The following NLGN1 variants were observed in gnomAD, a reference collection of about 807,000 sequenced individuals.
NLGN1 encodes the protein neuroligin 1.
A neutral mutation model predicts 65.5 loss-of-function variants in NLGN1; 12 were observed. The observed-to-expected ratio is 0.18, with a 90% CI of 0.12 to 0.30. NLGN1 has a LOEUF of 0.30. Among genes scored for constraint, NLGN1 ranks in the 10% least tolerant of loss-of-function variants. The pLI, the probability that NLGN1 is intolerant of heterozygous loss-of-function variation, is 1.00. For missense variants in NLGN1, 750 were observed against 1,007.1 expected (o/e 0.74, Z 3.46); for synonymous variants, 350 against 359.5 (o/e 0.97, Z 0.30).
intron 4 of NLGN1, among the ~76,000 whole-genome samples, chr3:174,187,500 T>C (rs371729068): frequency 9.9e-5 from 15 of 152,066 alleles, no homozygotes; most frequent in African/African-American, 3.6e-4. Flanking sequence ...GCAAAATGCT[T>C]TCAGAGTTTA....
intron 4 of NLGN1, among the ~76,000 whole-genome samples, chr3:173,956,131 A>G (rs900334873): frequency 6.6e-6 from 1 of 152,120 alleles, no homozygotes; most frequent in Non-Finnish European, 1.5e-5. Flanking sequence ...CAGAGTTTAA[A>G]TGTTTCATTG....
At chr3:173,460,635 G>A (rs1723229162) in intron 2 of NLGN1, among the ~76,000 whole-genome samples, 1 of 152,024 alleles carries the variant, frequency 6.6e-6, no homozygotes, top group Non-Finnish European at 1.5e-5. Context: ...CTAATTGTTT[G>A]GATTCTTTGC....
chr3:174,124,052 A>G (rs1718338124), intron 4 of NLGN1, among the ~76,000 whole-genome samples: 2 of 152,178 alleles, frequency 1.3e-5, no homozygotes, highest in South Asian at 4.1e-4. Context: ...CTCTAGTAGG[A>G]TGGTGGCCTT....
At chr3:173,881,014 A>G (rs1040233228) in intron 4 of NLGN1, among the ~76,000 whole-genome samples, 1 of 151,940 alleles carries the variant, frequency 6.6e-6, no homozygotes, top group African/African-American at 2.4e-5. Context: ...TTGCTCATTC[A>G]TAATAAGCAA....
At chr3:174,117,822 G>A (rs6768658) in intron 4 of NLGN1, among the ~76,000 whole-genome samples, 41,959 of 152,004 alleles carry the variant, frequency 0.28, 7,525 homozygotes, top group African/African-American at 0.52. Context: ...CTCTATCACT[G>A]TCATTTTCAT....
intron 3 of NLGN1, among the ~76,000 whole-genome samples, chr3:173,643,675 G>A (rs4894621): frequency 0.028 from 4,250 of 152,190 alleles, 88 homozygotes; most frequent in Middle Eastern, 0.044. Flanking sequence ...TGGGCATACT[G>A]GGGAAAAAAT....
At chr3:174,214,170 G>C (rs140683402) in intron 4 of NLGN1, among the ~76,000 whole-genome samples, 2 of 152,014 alleles carry the variant, frequency 1.3e-5, no homozygotes, top group African/African-American at 4.8e-5. Context: ...AAATTGTGTT[G>C]CAATTTTGCA....
intron 2 of NLGN1, among the ~76,000 whole-genome samples, chr3:173,572,814 C>A (rs968891045): frequency 6.6e-5 from 10 of 152,310 alleles, no homozygotes; most frequent in Non-Finnish European, 5.9e-5. Flanking sequence ...CTCACCAGAG[C>A]CCTCCTCTTG....
At chr3:173,414,667 G>C (rs1481348033) in intron 1 of NLGN1, among the ~76,000 whole-genome samples, 2 of 151,862 alleles carry the variant, frequency 1.3e-5, no homozygotes, top group African/African-American at 2.4e-5. Flanking sequence ...GTGTCCATTT[G>C]TGTTTAATAG....
intron 2 of NLGN1, among the ~76,000 whole-genome samples, chr3:173,460,088 G>A (rs1723121281): frequency 6.6e-6 from 1 of 151,856 alleles, no homozygotes. Context: ...CATATTTGGA[G>A]AGCTACTAAT....
intron 3 of NLGN1, among the ~76,000 whole-genome samples, chr3:173,687,142 GT>G (rs1381402396): frequency 1.3e-5 from 2 of 152,150 alleles, no homozygotes; most frequent in African/African-American, 4.8e-5. Flanking sequence ...CGATCAGGTT[GT>G]TTACCTTAAA....
chr3:174,159,851 C>A (rs935140836), intron 4 of NLGN1, among the ~76,000 whole-genome samples: 4 of 151,798 alleles, frequency 2.6e-5, no homozygotes, highest in Middle Eastern at 3.4e-3. Flanking sequence ...GCTTAACCTT[C>A]GCTAGGCATT....
intron 4 of NLGN1, chr3:173,920,577 CAT>C (rs751299840): frequency 2.7e-4 from 41 of 152,258 alleles, no homozygotes; most frequent in Non-Finnish European, 4.6e-4. Context: ...TGTGAGAATG[CAT>C]ATGAGTCATC....
rs201703067 is a variant in NLGN1, at chr3:173,941,697, G to GTA, written c.646+133876_646+133877dup. 1.1e-3 allele frequency among the ~76,000 whole-genome samples: 160 copies of GTA among 151,358 alleles called. 2 individuals carry two copies. The East Asian group carries it at 0.025, about 23-fold the overall frequency. On this transcript the variant is annotated intron_variant, in intron 4 of 6. Transcript: ENST00000457714. ...TTAAAAATATGTATATATATAGTGT[G>GTA]TATATATATATAAATACTATATATT...
At chr3:173,527,905 C>T (rs145460645) in intron 2 of NLGN1, among the ~76,000 whole-genome samples, 1,845 of 152,130 alleles carry the variant, frequency 0.012, 40 homozygotes, top group African/African-American at 0.042. Context: ...TTTTTAAATC[C>T]AATTTACCAC....
chr3:174,095,719 G>A (rs952980632), intron 4 of NLGN1, among the ~76,000 whole-genome samples: 1 of 151,632 alleles, frequency 6.6e-6, no homozygotes, highest in Admixed American at 6.6e-5. Flanking sequence ...ATAATTTTAG[G>A]CTGGGCACAG....
chr3:174,183,759 A>G (rs1387103404), intron 4 of NLGN1, among the ~76,000 whole-genome samples: 1 of 152,200 alleles, frequency 6.6e-6, no homozygotes, highest in African/African-American at 2.4e-5. Context: ...GCTCATTCCC[A>G]GAAAGCAGTA....
At chr3:173,684,030 T>C (rs1169597613) in intron 3 of NLGN1, among the ~76,000 whole-genome samples, 1 of 152,104 alleles carries the variant, frequency 6.6e-6, no homozygotes, top group Admixed American at 6.6e-5. Flanking sequence ...ATTTACACAG[T>C]AAACTGTGTA....
At chr3:173,863,103 G>C (rs995582792) in intron 4 of NLGN1, among the ~76,000 whole-genome samples, 3 of 151,536 alleles carry the variant, frequency 2.0e-5, no homozygotes, top group African/African-American at 7.3e-5. Context: ...TTTGAAAACT[G>C]TTCAGAGATA....
Sources: gnomAD v4.1 joint callset for allele counts (sites outside exome capture counted in the v4.1 genomes callset) on GRCh38, gnomAD v4.1.1 for gene constraint, MANE v1.5 for transcripts, NCBI Gene and HGNC (gene_info 2026-07-23, HGNC 2026-07-21) for gene names.